Variants in CDH3 observed in about 807,000 individuals in gnomAD.
CDH3 encodes the protein cadherin 3, also known as cadherin-3.
A neutral mutation model predicts 82.0 loss-of-function variants in CDH3; 54 were observed. The observed-to-expected ratio is 0.66, with a 90% confidence interval of 0.53 to 0.83. The LOEUF (loss-of-function observed/expected upper bound fraction) is 0.83. Ranked by LOEUF, CDH3 falls within the 40% of genes least tolerant of loss-of-function variation. CDH3 has a pLI of 0.00. For synonymous variants in CDH3, 446 were observed against 437.9 expected (o/e 1.02, Z -0.23); for missense variants, 1,054 against 1,084.6 (o/e 0.97, Z 0.40).
chr16:68,685,413 G>A (rs545734609), intron 11 of CDH3, 63 bp downstream of exon 11: 8 of 1,546,054 alleles, frequency 5.2e-6, no homozygotes, highest in Middle Eastern at 1.8e-4. Context: ...ACATGACACA[G>A]CACAGCATGT....
chr16:68,728,891 T>C (rs780891910), downstream of CDH3, among the ~76,000 whole-genome samples: 1 of 152,210 alleles, frequency 6.6e-6, no homozygotes, highest in Non-Finnish European at 1.5e-5. Context: ...ACTTATAAAA[T>C]ATTTTTGCCT....
chr16:68,722,314 T>A (rs2152111375), intron 1 of CDH3: 1 of 152,316 alleles, frequency 6.6e-6, no homozygotes, highest in East Asian at 1.9e-4. Flanking sequence ...GTGAGTGAGT[T>A]AATGTGGCCT....
chr16:68,668,210 T>G (rs1567443374), intron 2 of CDH3, among the ~76,000 whole-genome samples: 2 of 152,206 alleles, frequency 1.3e-5, no homozygotes, highest in African/African-American at 4.8e-5. Context: ...CCTTAAATTC[T>G]GAACTATTGC....
At chr16:68,658,717 T>A (rs1960475640) in intron 2 of CDH3, among the ~76,000 whole-genome samples, 1 of 152,202 alleles carries the variant, frequency 6.6e-6, no homozygotes, top group African/African-American at 2.4e-5. Flanking sequence ...CTTCCCACCG[T>A]ACTTCGAAAC....
At chr16:68,724,925 G>C (rs28549017) in intron 2 of CDH3, among the ~76,000 whole-genome samples, 34,692 of 152,040 alleles carry the variant, frequency 0.23, 4,515 homozygotes, top group Non-Finnish European at 0.28. Context: ...AGCCAGCAGA[G>C]GGTTGGTTGG....
intron 1 of CDH3, among the ~76,000 whole-genome samples, chr16:68,705,824 G>T: frequency 6.6e-6 from 1 of 151,602 alleles, no homozygotes; most frequent in Non-Finnish European, 1.5e-5. Flanking sequence ...CCAGCACTTT[G>T]GGAGGCCAAG....
rs1961581006 is a variant in CDH3, at chr16:68,691,749, T to C, written c.1825T>C (p.Phe609Leu). ...GDTVVLSLKK[F>L]LKQDTYDVHL... ...CACAGTGGTCTTGTCCCTGAAGAAG[T>C]TCCTGAAGCAGGATACATATGACGT... is the stretch of plus-strand genomic sequence containing the variant. The change falls in exon 13 of 16, where the codon TTC (phenylalanine) becomes CTC (leucine). Residue 609 changes from phenylalanine to leucine, a missense_variant. By Grantham distance (22) the Phe-to-Leu change is conservative. Coordinates refer to ENST00000264012, the MANE Select transcript of CDH3 (RefSeq NM_001793.6). 6.2e-7 allele frequency: 1 copy of C among 1,614,144 alleles called. No individual in the cohort carries two copies. The highest frequency in any genetic ancestry group is 8.5e-7 in the Non-Finnish European group (1 of 1,180,004).
intron 2 of CDH3, among the ~76,000 whole-genome samples, chr16:68,658,058 CTTTCT>C (rs1017594091): frequency 7.2e-6 from 1 of 138,952 alleles, no homozygotes; most frequent in Non-Finnish European, 1.6e-5. Flanking sequence ...CAGTCTTTTT[CTTTCT>C]TTTTTTTTTT....
chr16:68,695,699 G>T, intron 14 of CDH3, 78 bp from the exon 15 acceptor site: 11 of 1,508,552 alleles, frequency 7.3e-6, no homozygotes, highest in South Asian at 1.1e-5. Context: ...AGGGTAGGGG[G>T]TGTGGGGTGA....
chr16:68,655,072 T>G (rs1406958874), intron 2 of CDH3, among the ~76,000 whole-genome samples: 1 of 152,056 alleles, frequency 6.6e-6, no homozygotes, highest in Non-Finnish European at 1.5e-5. Context: ...AGAAGGGGTC[T>G]GACTATGTTG....
chr16:68,651,111 C>G, intron 2 of CDH3: 1 of 433,078 alleles, frequency 2.3e-6, no homozygotes, highest in South Asian at 1.9e-5. Flanking sequence ...CCGAGGGAGC[C>G]CTGTTGGCCA....
chr16:68,714,785 G>A lies in CDH3; in HGVS notation c.100-7640G>A, dbSNP rs565574274. On this transcript the variant is annotated intron_variant, in intron 1 of 2. Coordinates refer to the CDH3 transcript ENST00000569080. ...TAATCCCAGCGCTTTGGGAAGCGGAGGCAGGAGGATTGCTTGAAGCCAGGA... is the reference window on the plus strand; with the variant it reads ...TAATCCCAGCGCTTTGGGAAGCGGAAGCAGGAGGATTGCTTGAAGCCAGGA... Among the ~76,000 whole-genome samples the A allele has an allele frequency of 7.5e-4, 115 of 152,318 alleles. No homozygotes were observed. The South Asian group carries it at 8.3e-3, about 11-fold the overall frequency.
chr16:68,688,934 T>A (rs947399750), intron 12 of CDH3, among the ~76,000 whole-genome samples: 6 of 152,192 alleles, frequency 3.9e-5, no homozygotes, highest in African/African-American at 1.4e-4. Context: ...AGGATTTTAA[T>A]CTAGGCAGTC....
At chr16:68,668,003 T>A (rs1377036117) in intron 2 of CDH3, among the ~76,000 whole-genome samples, 1 of 152,202 alleles carries the variant, frequency 6.6e-6, no homozygotes, top group Non-Finnish European at 1.5e-5. Flanking sequence ...CCGACAGTAT[T>A]TTAGGGAATG....
Position 68,678,604 on chromosome 16 carries a change from G to T in CDH3, c.494G>T (p.Gly165Val). The change falls in exon 5 of 16, where the codon GGC becomes GTC. Residue 165 changes from glycine to valine, a missense_variant. Coordinates refer to ENST00000264012, the MANE Select transcript of CDH3 (RefSeq NM_001793.6). Reference protein sequence around the residue: ...EGVFAVEKETGWLLLNKPLDR... With the variant: ...EGVFAVEKETVWLLLNKPLDR... ...GTCTTCGCTGTAGAGAAGGAGACAG[G>T]CTGGTTGTTGTTGAATAAGCCACTG... 6.2e-7 allele frequency: 1 copy of T among 1,614,252 alleles called. No homozygotes were observed. The highest frequency in any genetic ancestry group is 8.5e-7 in the Non-Finnish European group (1 of 1,180,050).
intron 2 of CDH3, among the ~76,000 whole-genome samples, chr16:68,725,191 C>G (rs1416104744): frequency 6.6e-6 from 1 of 152,180 alleles, no homozygotes; most frequent in Non-Finnish European, 1.5e-5. Context: ...GGGGGCTTAA[C>G]TCACTCCACT....
chr16:68,696,022 C>T (rs888436782), intron 15 of CDH3, 99 bp downstream of exon 15: 14 of 1,278,592 alleles, frequency 1.1e-5, no homozygotes, highest in Non-Finnish European at 1.6e-5. Context: ...GGTCTGGGTT[C>T]AAATTCTGAC....
intron 2 of CDH3, among the ~76,000 whole-genome samples, chr16:68,670,382 T>G (rs1001681701): frequency 6.6e-6 from 1 of 152,050 alleles, no homozygotes; most frequent in South Asian, 2.1e-4. Flanking sequence ...CCACCACCCC[T>G]CACCCCCAGC....
intron 2 of CDH3, among the ~76,000 whole-genome samples, chr16:68,648,691 C>A (rs548719908): frequency 2.4e-4 from 37 of 152,154 alleles, no homozygotes; most frequent in African/African-American, 8.9e-4. Context: ...CTCAAGCAAT[C>A]TTCCCACCTC....
Sources: gnomAD v4.1 joint callset for allele counts (sites outside exome capture counted in the v4.1 genomes callset) on GRCh38, gnomAD v4.1.1 for gene constraint, MANE v1.5 for transcripts, NCBI Gene and HGNC (gene_info 2026-07-23, HGNC 2026-07-21) for gene names.